The following HIBCH variants were observed in gnomAD, a reference collection of about 807,000 sequenced individuals.
The protein encoded by HIBCH is 3-hydroxyisobutyryl-CoA hydrolase.
HIBCH carries 50 observed loss-of-function variants against 58.2 expected under a neutral mutation model. The observed-to-expected ratio is 0.86, with a 90% confidence interval of 0.68 to 1.09. The LOEUF (loss-of-function observed/expected upper bound fraction) is 1.09, where lower values mean the gene tolerates loss of function less well. Ranked by LOEUF, HIBCH falls within the 50% of genes least tolerant of loss-of-function variation. The pLI, the probability that HIBCH is intolerant of heterozygous loss-of-function variation, is 0.00. For synonymous variants in HIBCH, 151 were observed against 146.9 expected, an observed-to-expected ratio of 1.03 and a Z score of -0.20; for missense variants, 450 against 449.7, an observed-to-expected ratio of 1.00 and a Z score of -0.01.
chr2:190,278,354 G>A (rs1459012257), intron 6 of HIBCH, among the ~76,000 whole-genome samples: 4 of 151,966 alleles, frequency 2.6e-5, no homozygotes, highest in East Asian at 3.9e-4. Context: ...ACAGGCCCCC[G>A]CCACCACATC....
Position 190,258,464 on chromosome 2 carries a change from T to C in HIBCH, c.517+2692A>G, listed in dbSNP as rs547680967. Among the ~76,000 whole-genome samples, 8 of 152,284 alleles carry C rather than the reference T, an allele frequency of 5.3e-5. No individual in the cohort carries two copies. The East Asian group carries it at 1.4e-3, about 26-fold the overall frequency. ...TTGGGAACTAGGCAACGAGCAGAGA[T>C]TGGAATAGGTTGCCTCTTTACTCTG... On this transcript the variant is annotated intron_variant, in intron 7 of 13. Transcript: ENST00000359678.
At chr2:190,262,944 G>A (rs1687133058) in intron 6 of HIBCH, among the ~76,000 whole-genome samples, 1 of 152,192 alleles carries the variant, frequency 6.6e-6, no homozygotes. Flanking sequence ...TGAAGGTTCA[G>A]AATAGTCAAG....
chr2:190,275,116 C>A (rs1687512915), intron 6 of HIBCH, among the ~76,000 whole-genome samples: 1 of 152,104 alleles, frequency 6.6e-6, no homozygotes, highest in African/African-American at 2.4e-5. Context: ...AAAAACAATA[C>A]CTTACTGTGC....
At chr2:190,235,816 T>C (rs1410859590) in intron 11 of HIBCH, among the ~76,000 whole-genome samples, 1 of 152,202 alleles carries the variant, frequency 6.6e-6, no homozygotes, top group Non-Finnish European at 1.5e-5. Flanking sequence ...TGGACATCCA[T>C]AATAATTTGT....
intron 11 of HIBCH, among the ~76,000 whole-genome samples, chr2:190,242,485 TGGA>T (rs1559029565): frequency 6.6e-6 from 1 of 152,124 alleles, no homozygotes; most frequent in Non-Finnish European, 1.5e-5. Flanking sequence ...TGTAATCATT[TGGA>T]GGAGAAGAGG....
In HIBCH at chr2:190,306,242, T is replaced by C. The variant is rs1688401680; in HGVS notation, c.78+4512A>G. Among the ~76,000 whole-genome samples the C allele has an allele frequency of 6.6e-6, 1 of 152,148 alleles. No individual in the cohort carries two copies. Among genetic ancestry groups the C allele is most frequent in the Non-Finnish European group, 1.5e-5 (1 of 68,030 alleles). ...GGAATTTAGCCGCTGAGGGATGCAA[T>C]CTGGCATAAGCGCTGGAAATTTCTC... On this transcript the variant is annotated intron_variant, in intron 2 of 13. Coordinates refer to ENST00000359678, the MANE Select transcript of HIBCH (RefSeq NM_014362.4). The surrounding 1 kb of genome is among the most constrained non-coding windows in gnomAD (Gnocchi z 4.6).
At chr2:190,253,515 C>A (rs1686839162) in intron 7 of HIBCH, among the ~76,000 whole-genome samples, 1 of 152,162 alleles carries the variant, frequency 6.6e-6, no homozygotes, top group South Asian at 2.1e-4. Flanking sequence ...CCTCCAGCAT[C>A]ACCTACCTCA....
Position 190,279,689 on chromosome 2 carries a change from C to T in HIBCH, c.438+7897G>A, listed in dbSNP as rs941364701. Reference sequence around the variant, plus strand: ...CCTTAATAAAGAAATCAATGTACTTCGTGTTCTTAGCTCCCACATTTAGCC... The same window carrying T: ...CCTTAATAAAGAAATCAATGTACTTTGTGTTCTTAGCTCCCACATTTAGCC... On this transcript the variant is annotated intron_variant, in intron 6 of 13. Transcript: ENST00000359678. The surrounding 1 kb of genome is among the most constrained non-coding windows in gnomAD (Gnocchi z 4.2). 1.3e-5 allele frequency: 2 copies of T among 154,414 alleles called. No homozygotes were observed. Among genetic ancestry groups the T allele is most frequent in the Non-Finnish European group, 2.9e-5 (2 of 69,816 alleles). 9.6% of individuals were successfully genotyped at this position (154,414 alleles called of 1,614,324 possible). A position where few individuals can be genotyped will look rare whatever the true frequency, so the allele number is the denominator to read the frequency against.
chr2:190,196,872 A>G (rs1409935621), intron 1 of HIBCH, among the ~76,000 whole-genome samples: 4 of 152,192 alleles, frequency 2.6e-5, no homozygotes, highest in Non-Finnish European at 5.9e-5. Flanking sequence ...TCAGGATGGT[A>G]TAACAAAATA....
At chr2:190,232,253 T>C (rs1686122809) in intron 11 of HIBCH, among the ~76,000 whole-genome samples, 1 of 152,208 alleles carries the variant, frequency 6.6e-6, no homozygotes, top group African/African-American at 2.4e-5. Context: ...GAAAATTAAA[T>C]TTTAAAATGA....
In HIBCH at chr2:190,217,254, C is replaced by T. The variant is rs1318778438; in HGVS notation, c.892-4179G>A. ...ATCCCAACACTTTCTGAGACTGAGG[C>T]AGGTGGATCACCTGAGGTCAAGAGT... On this transcript the variant is annotated intron_variant, in intron 11 of 13. Transcript: ENST00000359678. This position sits in a 1 kb window ranked among gnomAD's most constrained non-coding sequence, Gnocchi z 4.6. Among the ~76,000 whole-genome samples, 1 of 152,190 alleles carries T rather than the reference C, an allele frequency of 6.6e-6. No homozygotes were observed. The highest frequency in any genetic ancestry group is 1.5e-5 in the Non-Finnish European group (1 of 68,026).
intron 5 of HIBCH, among the ~76,000 whole-genome samples, chr2:190,288,716 T>TA (rs1435573301): frequency 1.3e-5 from 2 of 152,086 alleles, no homozygotes; most frequent in African/African-American, 2.4e-5. Context: ...AAATAAAAGC[T>TA]AAAAAACAAA....
Position 190,210,444 on chromosome 2 carries a change from G to C in HIBCH, c.1012-1531C>G, listed in dbSNP as rs996248851. 6.6e-6 allele frequency among the ~76,000 whole-genome samples: 1 copy of C among 151,956 alleles called. No individual in the cohort carries two copies. The highest frequency in any genetic ancestry group is 1.5e-5 in the Non-Finnish European group (1 of 68,006). The stretch of plus-strand genomic sequence containing the variant: ...TTCTCTACCACACCTCAAAATGTTA[G>C]AGTTCCTTAGGGCTCAGGTCTGGAC... On this transcript the variant is annotated intron_variant, in intron 12 of 13. Transcript: ENST00000359678. The surrounding 1 kb of genome is among the most constrained non-coding windows in gnomAD (Gnocchi z 5.5).
intron 11 of HIBCH, among the ~76,000 whole-genome samples, chr2:190,225,535 T>A (rs1298836818): frequency 6.6e-6 from 1 of 152,064 alleles, no homozygotes; most frequent in East Asian, 1.9e-4. Context: ...ATGGATAAAT[T>A]CCTGGACACA....
chr2:190,227,371 A>T (rs1307490342), intron 11 of HIBCH, among the ~76,000 whole-genome samples: 1 of 152,208 alleles, frequency 6.6e-6, no homozygotes, highest in Non-Finnish European at 1.5e-5. Context: ...AGCCATATGT[A>T]GAAAGCTGAA....
chr2:190,234,466 T>C (rs1686203328), intron 11 of HIBCH, among the ~76,000 whole-genome samples: 1 of 152,216 alleles, frequency 6.6e-6, no homozygotes, highest in Non-Finnish European at 1.5e-5. Context: ...TGGAGCATCT[T>C]AGAATGAACA....
intron 5 of HIBCH, among the ~76,000 whole-genome samples, chr2:190,289,076 A>C (rs1259937963): frequency 6.6e-6 from 1 of 152,142 alleles, no homozygotes; most frequent in African/African-American, 2.4e-5. Context: ...GCACCACTGC[A>C]CTCCAGCCTG....
intron 11 of HIBCH, among the ~76,000 whole-genome samples, chr2:190,239,207 T>A (rs372186321): frequency 2.1e-3 from 323 of 152,336 alleles, no homozygotes; most frequent in African/African-American, 7.2e-3. Context: ...CCAACAACAT[T>A]TATTAAATAC....
intron 2 of HIBCH, among the ~76,000 whole-genome samples, chr2:190,309,464 T>C (rs947530528): frequency 1.3e-5 from 2 of 152,192 alleles, no homozygotes; most frequent in Non-Finnish European, 2.9e-5. Flanking sequence ...TTCCTTATAA[T>C]CTGATAAACT....
Sources: gnomAD v4.1 joint callset for allele counts (sites outside exome capture counted in the v4.1 genomes callset) on GRCh38, gnomAD v4.1.1 for gene constraint, Gnocchi (gnomAD v3.1) non-coding constraint, MANE v1.5 for transcripts, NCBI Gene and HGNC (gene_info 2026-07-23, HGNC 2026-07-21) for gene names.